The following OCA2 variants were observed in gnomAD, a reference collection of about 807,000 sequenced individuals.
The protein encoded by OCA2 is OCA2 melanosomal transmembrane protein, also known as P protein.
Under a neutral mutation model 100.2 loss-of-function variants are expected in OCA2, and 77 were observed. The observed-to-expected ratio is 0.77, with a 90% CI of 0.64 to 0.93. OCA2 has a LOEUF of 0.93. OCA2 is among the 40% of genes least tolerant of loss of function. The probability of loss-of-function intolerance (pLI) is 0.00; values close to 1 mark genes in which losing one functional copy is unlikely to be tolerated. For missense variants in OCA2, 1,062 were observed against 1,089.1 expected (o/e 0.98, Z 0.35); for synonymous variants, 432 against 439.2 (o/e 0.98, Z 0.21).
chr15:28,015,727 G>C (rs547562698), intron 8 of OCA2, among the ~76,000 whole-genome samples: 1 of 152,146 alleles, frequency 6.6e-6, no homozygotes, highest in Non-Finnish European at 1.5e-5. Flanking sequence ...ACTATGATAC[G>C]GCAGCCTTAG....
chr15:27,924,728 C>T (rs1313765551), intron 19 of OCA2, among the ~76,000 whole-genome samples: 1 of 151,908 alleles, frequency 6.6e-6, no homozygotes, highest in Non-Finnish European at 1.5e-5. Context: ...TGTAATTTAA[C>T]ACAGTAAGAA....
intron 23 of OCA2, among the ~76,000 whole-genome samples, chr15:27,791,079 G>A (rs1313525112): frequency 6.6e-6 from 1 of 151,902 alleles, no homozygotes; most frequent in Non-Finnish European, 1.5e-5. Flanking sequence ...ATGAGCCACT[G>A]TGCCTGGCCC....
rs560895203 is a variant in OCA2 at position 28,095,977 on chromosome 15, TG to T, written c.-22+3246del. Among the ~76,000 whole-genome samples the T allele has an allele frequency of 5.3e-5, 8 of 152,278 alleles. No homozygotes were observed. In the East Asian group the frequency reaches 1.4e-3, roughly 26 times the overall value. On this transcript the variant is annotated intron_variant, in intron 1 of 23. Transcript: ENST00000354638. Reference sequence around the variant, plus strand: ...GCTGCTCAGCCCCAAGGCGTCCCTCTGAGCGAGAAACCGCCCCTGGCTATGC... The same window carrying T: ...GCTGCTCAGCCCCAAGGCGTCCCTCTAGCGAGAAACCGCCCCTGGCTATGC...
chr15:27,983,504 T>C, intron 13 of OCA2, 21 bp from the exon 14 acceptor site: 3 of 1,613,874 alleles, frequency 1.9e-6, no homozygotes, highest in Non-Finnish European at 2.5e-6. Context: ...TGGAGGAAAA[T>C]GAAAGTAGTC....
intron 23 of OCA2, among the ~76,000 whole-genome samples, chr15:27,775,365 T>G (rs1351850584): frequency 6.6e-6 from 1 of 152,144 alleles, no homozygotes; most frequent in East Asian, 1.9e-4. Context: ...TCAGATGACT[T>G]TGTGTGTCAT....
chr15:27,913,928 C>A (rs28553950), intron 19 of OCA2, among the ~76,000 whole-genome samples: 26,612 of 62,548 alleles, frequency 0.43, 7,088 homozygotes, highest in Middle Eastern at 0.62. Context: ...AGCAAGCAAG[C>A]AAGAAAGAAA....
chr15:27,760,294 A>G (rs2030729387), intron 23 of OCA2, among the ~76,000 whole-genome samples: 1 of 152,008 alleles, frequency 6.6e-6, no homozygotes, highest in Admixed American at 6.6e-5. Flanking sequence ...CAAATTAAAA[A>G]CTACAGCTAA....
intron 17 of OCA2, among the ~76,000 whole-genome samples, chr15:27,952,151 G>C (rs546724395): frequency 1.3e-4 from 20 of 152,222 alleles, no homozygotes; most frequent in African/African-American, 4.6e-4. Flanking sequence ...CTGGCCGGCA[G>C]GTATCAGAGG....
At chr15:27,976,654 A>AT (rs2040976752) in intron 14 of OCA2, among the ~76,000 whole-genome samples, 1 of 152,102 alleles carries the variant, frequency 6.6e-6, no homozygotes, top group Admixed American at 6.5e-5. Flanking sequence ...GGATTTACTA[A>AT]TTTTTTAAAT....
At chr15:28,071,126 C>A (rs964171733) in intron 2 of OCA2, among the ~76,000 whole-genome samples, 1 of 140,614 alleles carries the variant, frequency 7.1e-6, no homozygotes, top group African/African-American at 2.8e-5. Flanking sequence ...CCTGCCAAAT[C>A]CCCCTCTGTG....
At chr15:27,942,741 T>A (rs955913786) in intron 18 of OCA2, among the ~76,000 whole-genome samples, 2 of 152,220 alleles carry the variant, frequency 1.3e-5, no homozygotes, top group African/African-American at 4.8e-5. Context: ...AGTGTTATGA[T>A]GAAATTTGGT....
At chr15:27,954,458 A>C (rs541487672) in intron 17 of OCA2, among the ~76,000 whole-genome samples, 3 of 152,204 alleles carry the variant, frequency 2.0e-5, no homozygotes, top group Non-Finnish European at 4.4e-5. Flanking sequence ...GAAAATAAGC[A>C]CGATAGATGT....
chr15:27,882,023 CCT>C (rs2037039487), intron 19 of OCA2, among the ~76,000 whole-genome samples: 2 of 152,130 alleles, frequency 1.3e-5, no homozygotes, highest in Non-Finnish European at 1.5e-5. Context: ...TGTAAATTCC[CCT>C]CTTACCACTG....
At chr15:28,039,890 G>T (rs1039976000) in intron 2 of OCA2, among the ~76,000 whole-genome samples, 3 of 152,004 alleles carry the variant, frequency 2.0e-5, no homozygotes, top group Non-Finnish European at 4.4e-5. Flanking sequence ...AAAATAGCCG[G>T]GTGTGGTCGC....
intron 19 of OCA2, among the ~76,000 whole-genome samples, chr15:27,902,060 T>C (rs2703978): frequency 0.79 from 119,883 of 152,210 alleles, 48,295 homozygotes; most frequent in East Asian, 1. Context: ...GATTAAATAA[T>C]GTCTAATATT....
rs551853931 is a variant in OCA2 at position 27,804,687 on chromosome 15, G to C, written c.2432+40272C>G. Among the ~76,000 whole-genome samples the C allele has an allele frequency of 1.1e-4, 16 of 152,268 alleles. No homozygotes were observed. The East Asian group carries it at 2.1e-3, about 20-fold the overall frequency. On this transcript the variant is annotated intron_variant, in intron 23 of 23. Transcript: ENST00000354638. ...TCTTCTTTTCTAGGTGAGTAAACTA[G>C]AGCCCAGAGAATGGGAGGCGCCTGG...
At chr15:28,046,451 T>C (rs905816035) in intron 2 of OCA2, among the ~76,000 whole-genome samples, 19 of 152,078 alleles carry the variant, frequency 1.2e-4, no homozygotes, top group African/African-American at 4.6e-4. Flanking sequence ...GGAGGTCTCT[T>C]GTTAAGGACA....
chr15:27,906,486 G>A (rs2038181736), intron 19 of OCA2, among the ~76,000 whole-genome samples: 2 of 152,108 alleles, frequency 1.3e-5, no homozygotes, highest in Admixed American at 1.3e-4. Context: ...GATAGTAGTG[G>A]AAATGGAACC....
intron 23 of OCA2, among the ~76,000 whole-genome samples, chr15:27,763,688 G>A (rs2031023070): frequency 6.6e-6 from 1 of 152,198 alleles, no homozygotes; most frequent in Non-Finnish European, 1.5e-5. Flanking sequence ...ACAGCTGGCT[G>A]GGAGGCAGGC....
Sources: gnomAD v4.1 joint callset for allele counts (sites outside exome capture counted in the v4.1 genomes callset) on GRCh38, gnomAD v4.1.1 for gene constraint, MANE v1.5 for transcripts, NCBI Gene and HGNC (gene_info 2026-07-23, HGNC 2026-07-21) for gene names.